The following SAMD3 variants were observed in gnomAD, a reference collection of about 807,000 sequenced individuals.
SAMD3 encodes the protein sterile alpha motif domain containing 3, also known as sterile alpha motif domain-containing protein 3.
A neutral mutation model predicts 58.5 loss-of-function variants in SAMD3; 63 were observed. The observed-to-expected ratio is 1.08, with a 90% CI of 0.88 to 1.33. The LOEUF is 1.33. Among genes scored for constraint, SAMD3 ranks in the 40% most tolerant of loss-of-function variants. The probability of loss-of-function intolerance (pLI) is 0.00; values close to 1 mark genes in which losing one functional copy is unlikely to be tolerated. For missense variants in SAMD3, 604 were observed against 608.4 expected (o/e 0.99, Z 0.08); for synonymous variants, 220 against 210.3 (o/e 1.05, Z -0.40).
At chr6:130,365,662 G>T, upstream of SAMD3, 1 of 985,458 alleles carries the variant, frequency 1.0e-6, no homozygotes, top group Non-Finnish European at 1.2e-6. Context: ...CGGGCCCCAC[G>T]GGTGGGTGTG....
At chr6:130,275,311 A>G (rs940109553) in intron 2 of SAMD3, among the ~76,000 whole-genome samples, 2 of 152,164 alleles carry the variant, frequency 1.3e-5, no homozygotes, top group African/African-American at 4.8e-5. Context: ...TCAGCATTTT[A>G]AATTTTATTG....
chr6:130,256,287 G>T (rs1034637851), intron 2 of SAMD3, among the ~76,000 whole-genome samples: 2 of 151,756 alleles, frequency 1.3e-5, no homozygotes, highest in Admixed American at 6.6e-5. Flanking sequence ...ATTCTCTTCT[G>T]CAACTAGGAC....
At chr6:130,173,108 CA>C (rs2114658636) in intron 8 of SAMD3, among the ~76,000 whole-genome samples, 1 of 152,278 alleles carries the variant, frequency 6.6e-6, no homozygotes, top group South Asian at 2.1e-4. Context: ...AACCTTTTAT[CA>C]AGGTTCTTAG....
chr6:130,266,571 A>G (rs1774364236), intron 2 of SAMD3, among the ~76,000 whole-genome samples: 1 of 151,864 alleles, frequency 6.6e-6, no homozygotes, highest in Non-Finnish European at 1.5e-5. Flanking sequence ...AGTTCAAACC[A>G]TACTAAAAAA....
At chr6:130,175,713 T>C (rs1467606339) in intron 8 of SAMD3, 128 bp downstream of exon 8, 3 of 611,310 alleles carry the variant, frequency 4.9e-6, no homozygotes, top group Admixed American at 6.4e-5. Flanking sequence ...TCTTGGTTCT[T>C]AACTACACTT....
At chr6:130,158,198 T>A (rs573991236) in intron 8 of SAMD3, among the ~76,000 whole-genome samples, 28 of 152,282 alleles carry the variant, frequency 1.8e-4, no homozygotes, top group Admixed American at 1.4e-3. Context: ...ATTTTTTTTA[T>A]CAGAACTTGA....
At chr6:130,344,564 T>C (rs1401760771) in intron 1 of SAMD3, among the ~76,000 whole-genome samples, 2 of 151,992 alleles carry the variant, frequency 1.3e-5, no homozygotes, top group South Asian at 2.1e-4. Context: ...GTATTTTTAA[T>C]AAAGATGGGG....
chr6:130,213,971 A>G (rs1054740686), intron 4 of SAMD3, among the ~76,000 whole-genome samples: 1 of 152,188 alleles, frequency 6.6e-6, no homozygotes, highest in African/African-American at 2.4e-5. Context: ...AGTTTTGGGA[A>G]AAGCAAAGAA....
chr6:130,252,109 A>G (rs1466596184), intron 2 of SAMD3, among the ~76,000 whole-genome samples: 1 of 151,942 alleles, frequency 6.6e-6, no homozygotes, highest in African/African-American at 2.4e-5. Context: ...TATAATTATT[A>G]TATCTTCTTG....
chr6:130,262,089 C>T (rs1206869002), intron 2 of SAMD3, among the ~76,000 whole-genome samples: 1 of 152,014 alleles, frequency 6.6e-6, no homozygotes, highest in Non-Finnish European at 1.5e-5. Context: ...TACCCTATTC[C>T]TTTAAAAGCC....
intron 8 of SAMD3, among the ~76,000 whole-genome samples, chr6:130,174,391 A>G (rs964089328): frequency 6.6e-6 from 1 of 152,170 alleles, no homozygotes; most frequent in Non-Finnish European, 1.5e-5. Flanking sequence ...ACAGTCCCTC[A>G]TGGCTTCCTT....
chr6:130,160,352 T>C (rs1790180088), intron 8 of SAMD3: 1 of 152,146 alleles, frequency 6.6e-6, no homozygotes, highest in African/African-American at 2.4e-5. Flanking sequence ...TGACATTACA[T>C]TGATTGAAAA....
intron 2 of SAMD3, among the ~76,000 whole-genome samples, chr6:130,295,674 T>C (rs958576862): frequency 2.6e-5 from 4 of 152,150 alleles, no homozygotes; most frequent in African/African-American, 9.7e-5. Flanking sequence ...TGGCCCATAT[T>C]AATCAGTGAT....
chr6:130,209,356 G>A lies in SAMD3; in HGVS notation c.383+139C>T, dbSNP rs575001070. 351 of 490,182 alleles carry A rather than the reference G, an allele frequency of 7.2e-4. 2 individuals are homozygous for A. Among genetic ancestry groups the A allele is most frequent in the South Asian group, 3.0e-3 (71 of 23,448 alleles). 30.4% of individuals were successfully genotyped at this position (490,182 alleles called of 1,614,324 possible). On this transcript the variant is annotated intron_variant, in intron 5 of 11. Coordinates refer to ENST00000439090, the MANE Select transcript of SAMD3 (RefSeq NM_001017373.4). ...TCATCTTTTACCAAGTATCTTTATC[G>A]CTGGATAAAAATATATTCCCTTCCA... is the stretch of plus-strand genomic sequence containing the variant.
intron 1 of SAMD3, among the ~76,000 whole-genome samples, chr6:130,342,561 C>G (rs1359134452): frequency 6.6e-6 from 1 of 152,014 alleles, no homozygotes; most frequent in African/African-American, 2.4e-5. Context: ...TAAGGAATTT[C>G]TCTTCTTTAA....
intron 1 of SAMD3, among the ~76,000 whole-genome samples, chr6:130,363,394 CA>C (rs1450778142): frequency 6.6e-6 from 1 of 152,070 alleles, no homozygotes; most frequent in African/African-American, 2.4e-5. Flanking sequence ...TATGAATTGC[CA>C]TCCATCAGAC....
chr6:130,257,555 A>G (rs898204225), intron 2 of SAMD3, among the ~76,000 whole-genome samples: 1 of 152,178 alleles, frequency 6.6e-6, no homozygotes, highest in South Asian at 2.1e-4. Context: ...CTCAATTACT[A>G]TTCTGAATAC....
rs1036243379 is a variant in SAMD3, at chr6:130,360,402, C to G, written c.-304+4718G>C. ...AGCACAAAAGAGAGAAATTTTAAAGCTGGGCATCTGGGGGAGACATCACAT... is the reference window on the plus strand; with the variant it reads ...AGCACAAAAGAGAGAAATTTTAAAGGTGGGCATCTGGGGGAGACATCACAT... On this transcript the variant is annotated intron_variant, in intron 1 of 13. Coordinates refer to the SAMD3 transcript ENST00000368134. Among the ~76,000 whole-genome samples, 9 of 152,266 alleles carry G rather than the reference C, an allele frequency of 5.9e-5. 1 individual carries two copies. The highest frequency in any genetic ancestry group is 4.1e-4 in the South Asian group (2 of 4,822).
intron 1 of SAMD3, among the ~76,000 whole-genome samples, chr6:130,321,723 A>G (rs1444776779): frequency 8.8e-6 from 1 of 113,136 alleles, no homozygotes; most frequent in Non-Finnish European, 1.7e-5. Flanking sequence ...ATAAGATGAG[A>G]ACAGCATCTT....
Sources: allele counts gnomAD v4.1 joint callset (sites outside exome capture counted in the v4.1 genomes callset), GRCh38; gene constraint gnomAD v4.1.1; transcripts MANE v1.5; gene names NCBI Gene and HGNC (gene_info 2026-07-23, HGNC 2026-07-21).